NMUR2: variants seen among roughly 807,000 people sequenced by gnomAD.
The protein encoded by NMUR2 is neuromedin U receptor 2.
In NMUR2, 24 loss-of-function variants were observed where a neutral mutation model predicts 25.1. The ratio of observed to expected loss-of-function variants is 0.96; its 90% CI spans 0.69 to 1.34. NMUR2 has a LOEUF of 1.34. NMUR2 is among the 40% of genes most tolerant of loss of function. The pLI is 0.00. For synonymous variants in NMUR2, 218 were observed against 208.1 expected (o/e 1.05, Z -0.41); for missense variants, 533 against 512.8 (o/e 1.04, Z -0.38).
At chr5:152,394,929 G>A (rs1456962742) in intron 3 of NMUR2, among the ~76,000 whole-genome samples, 2 of 145,024 alleles carry the variant, frequency 1.4e-5, no homozygotes, top group Non-Finnish European at 3.0e-5. Context: ...ACTCAGAATA[G>A]CAATGGTGAA....
rs754233369 is a variant in NMUR2 at position 152,392,381 on chromosome 5, T to G, written c.1058A>C (p.His353Pro). Residue 353 changes from histidine (H) to proline (P), a missense_variant, in exon 4 of 4, where the codon CAT becomes CCT. Coordinates refer to ENST00000255262, the MANE Select transcript of NMUR2 (RefSeq NM_020167.5). ...CTGGGCAGGTGGCAACTGTGGGTCATGCTGGGAGTGCCACTGTTTGTGGAA... is the reference window on the plus strand; with the variant it reads ...CTGGGCAGGTGGCAACTGTGGGTCAGGCTGGGAGTGCCACTGTTTGTGGAA... ...SSFHKQWHSQ[H>P]DPQLPPAQRN... 1 of 1,614,056 alleles carries G rather than the reference T, an allele frequency of 6.2e-7. No individual in the cohort carries two copies. The highest frequency in any genetic ancestry group is 8.5e-7 in the Non-Finnish European group (1 of 1,179,946).
chr5:152,397,472 G>A (rs1753173746), intron 2 of NMUR2, among the ~76,000 whole-genome samples: 1 of 152,122 alleles, frequency 6.6e-6, no homozygotes, highest in South Asian at 2.1e-4. Context: ...TGGCTACTTG[G>A]AGATGCTTGC....
chr5:152,398,369 C>G (rs1002694665), intron 1 of NMUR2, among the ~76,000 whole-genome samples: 2 of 152,160 alleles, frequency 1.3e-5, no homozygotes, highest in African/African-American at 2.4e-5. Context: ...AGTGCAACCA[C>G]TTTTCGTATA....
chr5:152,392,062 A>AC lies in NMUR2; in HGVS notation c.*128_*129insG, dbSNP rs1355496262. 5.1e-6 allele frequency: 4 copies of AC among 784,062 alleles called. No individual in the cohort carries two copies. Among genetic ancestry groups the AC allele is most frequent in the South Asian group, 4.1e-5 (2 of 48,256 alleles). 48.6% of individuals were successfully genotyped at this position (784,062 alleles called of 1,614,324 possible). ...AGTTTTCACGTTTATTAAAAAAAAA[A>AC]AAACTAGCAATGGGTACATGAGTTG... On this transcript the variant is annotated 3_prime_UTR_variant, in exon 4 of 4. Transcript: ENST00000255262.
rs762960364 is a variant in NMUR2, at chr5:152,392,141, G to A, written c.*50C>T. Reference sequence around the variant, plus strand: ...TATGAGAAGGCATACATTATGGGATGTTCCTCTCTGAAGTTTTGAGGCATA... The same window carrying A: ...TATGAGAAGGCATACATTATGGGATATTCCTCTCTGAAGTTTTGAGGCATA... On this transcript the variant is annotated 3_prime_UTR_variant, in exon 4 of 4. Transcript: ENST00000255262. The A allele has an allele frequency of 9.0e-6, 13 of 1,446,194 alleles. No individual in the cohort carries two copies. Among genetic ancestry groups the A allele is most frequent in the Admixed American group, 1.8e-5 (1 of 55,300 alleles). The allele number at this position is 1,446,194 out of a possible 1,614,324, so 89.6% of individuals were successfully genotyped here.
Position 152,400,210 on chromosome 5 carries a change from G to A in NMUR2, c.727-2066C>T, listed in dbSNP as rs531167506. Among the ~76,000 whole-genome samples the A allele has an allele frequency of 3.5e-4, 53 of 152,062 alleles. No individual in the cohort carries two copies. In the South Asian group the frequency reaches 0.01, roughly 30 times the overall value. On this transcript the variant is annotated intron_variant, in intron 1 of 3. Transcript: ENST00000255262. ...TGGCCATTTGTCTCTTGAATATATC[G>A]GAGTGTTCTACATGTATCTGTGTCT... is the stretch of plus-strand genomic sequence containing the variant.
At chr5:152,398,996 G>T (rs564362672) in intron 1 of NMUR2, among the ~76,000 whole-genome samples, 2 of 152,064 alleles carry the variant, frequency 1.3e-5, no homozygotes, top group African/African-American at 4.8e-5. Context: ...TTTAAGTCCT[G>T]CCTGTTCCTG....
At position 152,392,222 on chromosome 5, in the gene NMUR2, T is replaced by C; in HGVS notation, c.1217A>G (p.Asn406Ser). ...ALSSEQMSRTNYQSFHFNKT is the reference protein window; with the variant it reads ...ALSSEQMSRTSYQSFHFNKT ...TTTGTTAAAGTGGAAGCTTTGATAG[T>C]TTGTTCTTGACATCTGTTCACTAGA... Residue 406 changes from asparagine to serine, a missense_variant, in exon 4 of 4, where the codon AAC (asparagine) becomes AGC (serine). Coordinates refer to ENST00000255262, the MANE Select transcript of NMUR2 (RefSeq NM_020167.5). 6.2e-7 allele frequency: 1 copy of C among 1,612,914 alleles called. No homozygotes were observed. The highest frequency in any genetic ancestry group is 2.2e-5 in the East Asian group (1 of 44,854).
At chr5:152,397,074 G>A (rs1044579042) in intron 2 of NMUR2, among the ~76,000 whole-genome samples, 2 of 138,444 alleles carry the variant, frequency 1.4e-5, no homozygotes, top group Admixed American at 7.7e-5. Flanking sequence ...GAGGGATAAT[G>A]AAGAAACTAT....
chr5:152,399,480 C>A (rs1036493639), intron 1 of NMUR2, among the ~76,000 whole-genome samples: 1 of 152,080 alleles, frequency 6.6e-6, no homozygotes, highest in African/African-American at 2.4e-5. Context: ...TGCAAGTTTT[C>A]ATTTATTTTT....
rs551747638 is a variant in NMUR2, at chr5:152,405,085, G to A, written c.29C>T (p.Ala10Val). 4.3e-6 allele frequency: 7 copies of A among 1,610,378 alleles called. No individual in the cohort carries two copies. In the East Asian group the frequency reaches 1.6e-4, roughly 36 times the overall value. MSGMEKLQN[A>V]SWIYQQKLED... The stretch of plus-strand genomic sequence containing the variant: ...TAGTTTCTGCTGGTAGATCCAGGAA[G>A]CATTCTGAAGTTTTTCCATCCCTGA... Residue 10 changes from alanine (A) to valine (V), a missense_variant, in exon 1 of 4, where the codon GCT becomes GTT. Transcript: ENST00000255262.
Position 152,405,009 on chromosome 5 carries a change from G to C in NMUR2, c.105C>G (p.Phe35Leu). Residue 35 changes from phenylalanine (F) to leucine (L), a missense_variant, in exon 1 of 4, where the codon TTC (phenylalanine) becomes TTG (leucine). By Grantham distance (22) the Phe-to-Leu change is conservative (BLOSUM62 0). Coordinates refer to ENST00000255262, the MANE Select transcript of NMUR2 (RefSeq NM_020167.5). ...HLNSTEEYLAFLCGPRRSHFF... is the reference protein window; with the variant it reads ...HLNSTEEYLALLCGPRRSHFF... ...AGTGGCTGCGCCGAGGTCCGCAGAGGAAGGCCAGATACTCCTCGGTGCTGT... is the reference window on the plus strand; with the variant it reads ...AGTGGCTGCGCCGAGGTCCGCAGAGCAAGGCCAGATACTCCTCGGTGCTGT... 6.2e-7 allele frequency: 1 copy of C among 1,613,970 alleles called. No individual in the cohort carries two copies. Among genetic ancestry groups the C allele is most frequent in the East Asian group, 2.2e-5 (1 of 44,852 alleles).
chr5:152,400,257 ACT>A (rs1753230853), intron 1 of NMUR2, among the ~76,000 whole-genome samples: 1 of 152,084 alleles, frequency 6.6e-6, no homozygotes, highest in African/African-American at 2.4e-5. Flanking sequence ...AGGATTAAAG[ACT>A]CTGTGAGATT....
intron 1 of NMUR2, among the ~76,000 whole-genome samples, chr5:152,401,456 T>C (rs1753252475): frequency 6.6e-6 from 1 of 152,226 alleles, no homozygotes; most frequent in Non-Finnish European, 1.5e-5. Flanking sequence ...TTCATTTATA[T>C]AGTTTGTGGG....
intron 1 of NMUR2, among the ~76,000 whole-genome samples, chr5:152,402,854 C>A (rs933703317): frequency 6.6e-6 from 1 of 152,166 alleles, no homozygotes; most frequent in Non-Finnish European, 1.5e-5. Context: ...GGGACTGGCA[C>A]AGCTCTCTGC....
intron 3 of NMUR2, among the ~76,000 whole-genome samples, chr5:152,393,085 C>G (rs980328881): frequency 6.6e-6 from 1 of 152,286 alleles, no homozygotes; most frequent in African/African-American, 2.4e-5. Flanking sequence ...TTCACATTGT[C>G]ATTTTCCTGT....
At chr5:152,394,396 A>G (rs1477824995) in intron 3 of NMUR2, among the ~76,000 whole-genome samples, 1 of 152,228 alleles carries the variant, frequency 6.6e-6, no homozygotes, top group African/African-American at 2.4e-5. Flanking sequence ...TGCTTTGTAC[A>G]CATCTGGAGC....
rs566519197 is a variant in NMUR2 at position 152,398,252 on chromosome 5, G to A, written c.727-108C>T. ...CGCTCATTTTGAAGACAGAAGAACT[G>A]AGACCTAGAGAAATGTAAGACTACG... On this transcript the variant is annotated intron_variant, in intron 1 of 3. Transcript: ENST00000255262. 1.4e-5 allele frequency: 10 copies of A among 720,362 alleles called. No homozygotes were observed. In the African/African-American group the frequency reaches 1.8e-4, roughly 13 times the overall value. 44.6% of individuals were successfully genotyped at this position (720,362 alleles called of 1,614,324 possible). A position where few individuals can be genotyped will look rare whatever the true frequency, so the allele number is the denominator to read the frequency against.
At chr5:152,399,395 G>C (rs1485598274) in intron 1 of NMUR2, among the ~76,000 whole-genome samples, 1 of 152,034 alleles carries the variant, frequency 6.6e-6, no homozygotes, top group African/African-American at 2.4e-5. Context: ...CAATCAACTT[G>C]TCCTATCCTC....
Sources: allele counts gnomAD v4.1 joint callset (sites outside exome capture counted in the v4.1 genomes callset), GRCh38; gene constraint gnomAD v4.1.1; transcripts MANE v1.5; gene names NCBI Gene and HGNC (gene_info 2026-07-23, HGNC 2026-07-21).